Variants in FRZB observed in about 807,000 individuals in gnomAD.
The protein encoded by FRZB is secreted frizzled-related protein 3.
Under a neutral mutation model 32.5 loss-of-function variants are expected in FRZB, and 34 were observed. The observed-to-expected ratio is 1.05, with a 90% CI of 0.80 to 1.39. The LOEUF (loss-of-function observed/expected upper bound fraction) is 1.39. Among genes scored for constraint, FRZB ranks in the 40% most tolerant of loss-of-function variants. The pLI, the probability that FRZB is intolerant of heterozygous loss-of-function variation, is 0.00. For missense variants in FRZB, 423 were observed against 424.8 expected (o/e 1.00, Z 0.04); for synonymous variants, 170 against 159.2 (o/e 1.07, Z -0.51).
At chr2:182,858,651 T>C (rs1695797263) in intron 2 of FRZB, 135 bp downstream of exon 2, 1 of 574,206 alleles carries the variant, frequency 1.7e-6, no homozygotes, top group East Asian at 2.8e-5. Context: ...AAAATTAATA[T>C]AAATGAGGGA....
intron 1 of FRZB, among the ~76,000 whole-genome samples, chr2:182,859,727 C>A (rs1695809317): frequency 1.3e-5 from 2 of 152,102 alleles, no homozygotes; most frequent in Non-Finnish European, 2.9e-5. Context: ...AGGACTATAA[C>A]ACCCACAATT....
intron 3 of FRZB, among the ~76,000 whole-genome samples, chr2:182,841,698 A>G (rs1002891552): frequency 6.6e-6 from 1 of 152,166 alleles, no homozygotes; most frequent in Non-Finnish European, 1.5e-5. Flanking sequence ...TTATGACTCT[A>G]AAATATACAC....
chr2:182,866,231 A>G lies in FRZB; in HGVS notation c.322T>C (p.Cys108Arg). 6.2e-7 allele frequency: 1 copy of G among 1,614,150 alleles called. No homozygotes were observed. Among genetic ancestry groups the G allele is most frequent in the South Asian group, 1.1e-5 (1 of 91,082 alleles). ...IDFQHEPIKP[C>R]KSVCERARQG... ...CGGGCCCGCTCGCACACAGACTTACAGGGCTTGATGGGCTCGTGCTGGAAG... is the reference window on the plus strand; with the variant it reads ...CGGGCCCGCTCGCACACAGACTTACGGGGCTTGATGGGCTCGTGCTGGAAG... Residue 108 changes from cysteine to arginine, a missense_variant, in exon 1 of 6, where the codon TGT (cysteine) becomes CGT (arginine). Transcript: ENST00000295113. This position sits in a 1 kb window ranked among gnomAD's most constrained non-coding sequence, Gnocchi z 4.5.
Position 182,838,445 on chromosome 2 carries a change from T to C in FRZB, c.761A>G (p.Tyr254Cys). The C allele has an allele frequency of 1.2e-6, 2 of 1,612,638 alleles. No homozygotes were observed. The highest frequency in any genetic ancestry group is 1.7e-6 in the Non-Finnish European group (2 of 1,178,964). Residue 254 changes from tyrosine to cysteine, a missense_variant, in exon 4 of 6, where the codon TAT (tyrosine) becomes TGT (cysteine). Coordinates refer to ENST00000295113, the MANE Select transcript of FRZB (RefSeq NM_001463.4). ...CTCATCTTCATAGCCCATGATGATATATTCCTCATTAACATTAAGTGGAGG... is the reference window on the plus strand; with the variant it reads ...CTCATCTTCATAGCCCATGATGATACATTCCTCATTAACATTAAGTGGAGG... ...LCPPLNVNEE[Y>C]IIMGYEDEER...
chr2:182,844,609 G>T (rs555798658), intron 2 of FRZB, among the ~76,000 whole-genome samples: 12 of 152,070 alleles, frequency 7.9e-5, no homozygotes, highest in Non-Finnish European at 1.6e-4. Context: ...AAAAATTTTG[G>T]CAAAAACTAT....
chr2:182,835,083 T>C, intron 5 of FRZB, 118 bp from the exon 6 acceptor site: 1 of 713,212 alleles, frequency 1.4e-6, no homozygotes, highest in Non-Finnish European at 2.5e-6. Context: ...TTGCTACTTT[T>C]CCAAAAGTAT....
intron 1 of FRZB, among the ~76,000 whole-genome samples, chr2:182,860,016 T>C (rs920657082): frequency 6.6e-6 from 1 of 152,214 alleles, no homozygotes; most frequent in Non-Finnish European, 1.5e-5. Context: ...AAAAATAATG[T>C]CTTCATAAAG....
chr2:182,835,009 A>G (rs1340767544), intron 5 of FRZB, 44 bp from the exon 6 acceptor site: 6 of 1,341,454 alleles, frequency 4.5e-6, no homozygotes, highest in Non-Finnish European at 5.4e-6. Context: ...ACATATCACC[A>G]GGGTCATTAT....
In FRZB at chr2:182,851,048, C is replaced by T. The variant is rs562931494; in HGVS notation, c.526+7738G>A. ...GAAATGTCTGCTCAGATCTTTTGCC[C>T]ATTTTTAGATTATTTGTTGTTTTTT... is the stretch of plus-strand genomic sequence containing the variant. On this transcript the variant is annotated intron_variant, in intron 2 of 5. Transcript: ENST00000295113. Among the ~76,000 whole-genome samples the T allele has an allele frequency of 3.9e-5, 6 of 152,304 alleles. No homozygotes were observed. In the South Asian group the frequency reaches 1.2e-3, roughly 32 times the overall value.
intron 1 of FRZB, among the ~76,000 whole-genome samples, chr2:182,861,985 C>T (rs13026760): frequency 0.45 from 68,923 of 152,056 alleles, 17,104 homozygotes; most frequent in Non-Finnish European, 0.55. Context: ...ATGAAGGATC[C>T]TCAGAAGCAT....
chr2:182,853,627 T>C (rs983752534), intron 2 of FRZB, among the ~76,000 whole-genome samples: 2 of 152,208 alleles, frequency 1.3e-5, no homozygotes, highest in Non-Finnish European at 2.9e-5. Context: ...ACACCTTTGG[T>C]AGACATTCCC....
chr2:182,864,078 G>A (rs1218389400), intron 1 of FRZB, among the ~76,000 whole-genome samples: 1 of 152,216 alleles, frequency 6.6e-6, no homozygotes, highest in Non-Finnish European at 1.5e-5. Context: ...TAGAAATCAG[G>A]TCCCATGAAC....
In FRZB at chr2:182,857,173, T is replaced by C. The variant is rs563011605; in HGVS notation, c.526+1613A>G. Among the ~76,000 whole-genome samples the C allele has an allele frequency of 3.9e-5, 6 of 151,940 alleles. 1 individual carries two copies. The highest frequency in any genetic ancestry group is 1.4e-4 in the African/African-American group (6 of 41,428). Reference sequence around the variant, plus strand: ...GGAAAATCCTCAAAAAGCAGCAAATTAAACAGCATAATCCCAAATGATGCA... The same window carrying C: ...GGAAAATCCTCAAAAAGCAGCAAATCAAACAGCATAATCCCAAATGATGCA... On this transcript the variant is annotated intron_variant, in intron 2 of 5. Transcript: ENST00000295113.
Position 182,834,041 on chromosome 2 carries a change from G to A in FRZB, c.*808C>T, listed in dbSNP as rs1695496543. On this transcript the variant is annotated 3_prime_UTR_variant, in exon 6 of 6. Transcript: ENST00000295113. ...CACCAATGGGTTTATTTAAAAGGAA[G>A]CAAATTAAACAAAACTATGGTGATA... 1 of 152,054 alleles carries A rather than the reference G, an allele frequency of 6.6e-6. No individual in the cohort carries two copies. The highest frequency in any genetic ancestry group is 2.4e-5 in the African/African-American group (1 of 41,412). 9.4% of individuals were successfully genotyped at this position (152,054 alleles called of 1,614,324 possible).
chr2:182,839,850 G>A (rs1460070911), intron 3 of FRZB, among the ~76,000 whole-genome samples: 3 of 151,914 alleles, frequency 2.0e-5, no homozygotes, highest in Admixed American at 1.3e-4. Context: ...AACTTCTTAG[G>A]CACATAATTG....
chr2:182,837,161 C>T (rs1242365579), intron 5 of FRZB, among the ~76,000 whole-genome samples: 1 of 132,138 alleles, frequency 7.6e-6, no homozygotes, highest in South Asian at 2.5e-4. Flanking sequence ...AACAGATTTG[C>T]TTAGTGCAGT....
intron 2 of FRZB, among the ~76,000 whole-genome samples, chr2:182,857,606 G>A (rs1259532592): frequency 6.9e-6 from 1 of 144,516 alleles, no homozygotes; most frequent in Admixed American, 7.0e-5. Context: ...AACAGAGCAA[G>A]ACTCCATCTC....
rs530250681 is a variant in FRZB, at chr2:182,843,799, C to T, written c.527-1256G>A. 1.3e-4 allele frequency among the ~76,000 whole-genome samples: 20 copies of T among 152,062 alleles called. No individual in the cohort carries two copies. In the East Asian group the frequency reaches 1.9e-3, roughly 15 times the overall value. On this transcript the variant is annotated intron_variant, in intron 2 of 5. Coordinates refer to ENST00000295113, the MANE Select transcript of FRZB (RefSeq NM_001463.4). ...ATGCAAAAATCAGCTGGTGTGGTGG[C>T]GTGTGCCTGTAGTTTCAGCTATTCA...
At chr2:182,845,562 G>C (rs1356530089) in intron 2 of FRZB, among the ~76,000 whole-genome samples, 1 of 150,358 alleles carries the variant, frequency 6.7e-6, no homozygotes. Flanking sequence ...TTTATGTAAG[G>C]AAAAAAAAAT....
Sources: gnomAD v4.1 joint callset for allele counts (sites outside exome capture counted in the v4.1 genomes callset) on GRCh38, gnomAD v4.1.1 for gene constraint, Gnocchi (gnomAD v3.1) non-coding constraint, MANE v1.5 for transcripts, NCBI Gene and HGNC (gene_info 2026-07-23, HGNC 2026-07-21) for gene names.